The following SKAP1 variants were observed in gnomAD, a reference collection of about 807,000 sequenced individuals.
SKAP1 encodes the protein src kinase associated phosphoprotein 1, also known as src kinase-associated phosphoprotein 1.
A neutral mutation model predicts 58.5 loss-of-function variants in SKAP1; 44 were observed. The observed-to-expected ratio is 0.75, with a 90% CI of 0.59 to 0.97. SKAP1 has a LOEUF of 0.97. SKAP1 is among the 50% of genes least tolerant of loss of function. SKAP1 has a pLI of 0.00. For synonymous variants in SKAP1, 127 were observed against 149.7 expected, an observed-to-expected ratio of 0.85 and a Z score of 1.11; for missense variants, 390 against 435.2, an observed-to-expected ratio of 0.90 and a Z score of 0.92.
At chr17:48,208,336 G>A (rs758604777) in intron 4 of SKAP1, among the ~76,000 whole-genome samples, 7 of 152,116 alleles carry the variant, frequency 4.6e-5, no homozygotes, top group Non-Finnish European at 7.4e-5. Context: ...TGTGAGCACC[G>A]GGGAAAGGGA....
intron 9 of SKAP1, among the ~76,000 whole-genome samples, chr17:48,179,107 A>G (rs2064333840): frequency 6.6e-6 from 1 of 152,152 alleles, no homozygotes; most frequent in African/African-American, 2.4e-5. Context: ...CAGGGACTTG[A>G]GTGTTAGATT....
chr17:48,391,803 T>C (rs35179999), intron 2 of SKAP1, among the ~76,000 whole-genome samples: 4,547 of 134,062 alleles, frequency 0.034, 257 homozygotes, highest in African/African-American at 0.12. Flanking sequence ...TTTTTTTTTT[T>C]CTGCATTGGC....
At chr17:48,286,951 C>T (rs370349819) in intron 4 of SKAP1, among the ~76,000 whole-genome samples, 3 of 152,128 alleles carry the variant, frequency 2.0e-5, no homozygotes, top group African/African-American at 4.8e-5. Context: ...CAAAAATTGG[C>T]GGGGCTTGCT....
intron 4 of SKAP1, among the ~76,000 whole-genome samples, chr17:48,220,486 A>G (rs958579474): frequency 6.6e-6 from 1 of 152,184 alleles, no homozygotes; most frequent in East Asian, 1.9e-4. Context: ...ATGAAGTTCA[A>G]GTATAGGCAA....
chr17:48,157,334 C>T (rs2063992004), intron 11 of SKAP1, among the ~76,000 whole-genome samples: 1 of 151,244 alleles, frequency 6.6e-6, no homozygotes, highest in Non-Finnish European at 1.5e-5. Context: ...CTTCCAGGGT[C>T]AAGAGATTCT....
At position 48,411,398 on chromosome 17, in the gene SKAP1, CAAATAAATAAAT is replaced by C. The variant is rs55868728; in HGVS notation, c.47-14625_47-14614del. Among the ~76,000 whole-genome samples, 26 of 147,292 alleles carry C rather than the reference CAAATAAATAAAT, an allele frequency of 1.8e-4. No individual in the cohort carries two copies. The South Asian group carries it at 2.4e-3, about 14-fold the overall frequency. ...TGGGTGGTAGAGCCAGATTCCATCTCAAATAAATAAATAAATAAATAAATAAATAAATAAATA... is the reference window on the plus strand; with the variant it reads ...TGGGTGGTAGAGCCAGATTCCATCTCAAATAAATAAATAAATAAATAAATA... On this transcript the variant is annotated intron_variant, in intron 1 of 12. Coordinates refer to ENST00000336915, the MANE Select transcript of SKAP1 (RefSeq NM_003726.4).
chr17:48,233,816 A>G (rs1434716575), intron 4 of SKAP1, among the ~76,000 whole-genome samples: 1 of 152,128 alleles, frequency 6.6e-6, no homozygotes, highest in Non-Finnish European at 1.5e-5. Flanking sequence ...AGATTGTGCC[A>G]TTGTACTCCA....
At chr17:48,271,783 T>A (rs2065636504) in intron 4 of SKAP1, among the ~76,000 whole-genome samples, 1 of 152,198 alleles carries the variant, frequency 6.6e-6, no homozygotes, top group Non-Finnish European at 1.5e-5. Context: ...CTGATTTGAC[T>A]TGGGTGAGGA....
chr17:48,384,853 G>A (rs2067257103), intron 2 of SKAP1, among the ~76,000 whole-genome samples: 2 of 152,182 alleles, frequency 1.3e-5, no homozygotes, highest in Non-Finnish European at 2.9e-5. Context: ...GAGAACTGCA[G>A]CTGAGCTGTA....
chr17:48,276,741 C>A (rs936238326), intron 4 of SKAP1, among the ~76,000 whole-genome samples: 1 of 152,110 alleles, frequency 6.6e-6, no homozygotes, highest in African/African-American at 2.4e-5. Context: ...GTGTAATGTT[C>A]CCGTTGCTCT....
intron 4 of SKAP1, among the ~76,000 whole-genome samples, chr17:48,327,291 T>G (rs911748360): frequency 3.9e-5 from 6 of 152,252 alleles, no homozygotes; most frequent in Non-Finnish European, 8.8e-5. Context: ...TTTAAAAATT[T>G]TAAATATGTA....
chr17:48,190,209 C>T (rs146650745), intron 4 of SKAP1, among the ~76,000 whole-genome samples: 1,671 of 151,434 alleles, frequency 0.011, 17 homozygotes, highest in Non-Finnish European at 0.016. Context: ...CGGGCTCATG[C>T]CATTCTCCTG....
At chr17:48,284,238 T>C (rs1331170722) in intron 4 of SKAP1, among the ~76,000 whole-genome samples, 1 of 152,160 alleles carries the variant, frequency 6.6e-6, no homozygotes, top group Non-Finnish European at 1.5e-5. Flanking sequence ...TTTTAAAAAG[T>C]AGGTCACGAA....
At chr17:48,404,846 C>T (rs1171134204) in intron 1 of SKAP1, among the ~76,000 whole-genome samples, 2 of 151,474 alleles carry the variant, frequency 1.3e-5, no homozygotes, top group African/African-American at 2.4e-5. Context: ...AAAAGATATC[C>T]GAAATAAATG....
intron 2 of SKAP1, among the ~76,000 whole-genome samples, chr17:48,387,070 T>C (rs1186063118): frequency 2.6e-5 from 4 of 152,224 alleles, no homozygotes; most frequent in Non-Finnish European, 5.9e-5. Flanking sequence ...TGCAAAATTC[T>C]GAAGCATAAT....
chr17:48,298,238 T>C (rs1329177176), intron 4 of SKAP1, among the ~76,000 whole-genome samples: 3 of 152,222 alleles, frequency 2.0e-5, no homozygotes, highest in African/African-American at 7.2e-5. Flanking sequence ...AAAGAACCTG[T>C]CACATTAGAG....
chr17:48,247,554 A>C (rs1172710844), intron 4 of SKAP1, among the ~76,000 whole-genome samples: 3 of 152,162 alleles, frequency 2.0e-5, no homozygotes, highest in African/African-American at 7.2e-5. Flanking sequence ...ACCTCACAAA[A>C]GTTTTAGTTG....
At chr17:48,432,371 G>A (rs1973576), upstream of SKAP1, among the ~76,000 whole-genome samples, 13,894 of 151,894 alleles carry the variant, frequency 0.091, 971 homozygotes, top group African/African-American at 0.17. Context: ...GGAGGTTGCA[G>A]TGAGCCGAGA....
intron 4 of SKAP1, among the ~76,000 whole-genome samples, chr17:48,235,532 C>G (rs974690322): frequency 6.6e-6 from 1 of 151,986 alleles, no homozygotes; most frequent in African/African-American, 2.4e-5. Flanking sequence ...TGAATGCAGA[C>G]ACAGTCATTT....
Sources: gnomAD v4.1 joint callset for allele counts (sites outside exome capture counted in the v4.1 genomes callset) on GRCh38, gnomAD v4.1.1 for gene constraint, MANE v1.5 for transcripts, NCBI Gene and HGNC (gene_info 2026-07-23, HGNC 2026-07-21) for gene names.